The following FSTL5 variants were observed in gnomAD, a reference collection of about 807,000 sequenced individuals.
FSTL5 encodes the protein follistatin like 5.
FSTL5 carries 62 observed loss-of-function variants against 89.1 expected under a neutral mutation model. That is an observed-to-expected ratio of 0.70 (90% CI 0.57 to 0.86). The LOEUF (loss-of-function observed/expected upper bound fraction) is 0.86. Ranked by LOEUF, FSTL5 falls within the 40% of genes least tolerant of loss-of-function variation. The pLI, the probability that FSTL5 is intolerant of heterozygous loss-of-function variation, is 0.00. For synonymous variants in FSTL5, 383 were observed against 346.2 expected, an observed-to-expected ratio of 1.11 and a Z score of -1.18; for missense variants, 1,057 against 1,001.6, an observed-to-expected ratio of 1.06 and a Z score of -0.75.
intron 1 of FSTL5, among the ~76,000 whole-genome samples, chr4:162,128,578 T>G (rs559551782): frequency 6.6e-6 from 1 of 152,232 alleles, no homozygotes; most frequent in South Asian, 2.1e-4. Context: ...AGAAATAAAT[T>G]CTTGACATTT....
In FSTL5 at chr4:161,728,389, T is replaced by C. The variant is rs149441251; in HGVS notation, c.727+31022A>G. The stretch of plus-strand genomic sequence containing the variant: ...ACAGAATTTTACTGTTGATAACCAA[T>C]TGCAAAAGGTAAGGAGAAAAAGATA... On this transcript the variant is annotated intron_variant, in intron 6 of 15. Coordinates refer to ENST00000306100, the MANE Select transcript of FSTL5 (RefSeq NM_020116.5). 2.7e-3 allele frequency among the ~76,000 whole-genome samples: 406 copies of C among 152,170 alleles called. 5 individuals carry two copies. Among genetic ancestry groups the C allele is most frequent in the Middle Eastern group, 0.017 (5 of 294 alleles).
At chr4:162,117,439 G>T (rs1277658930) in intron 1 of FSTL5, among the ~76,000 whole-genome samples, 1 of 152,174 alleles carries the variant, frequency 6.6e-6, no homozygotes, top group Non-Finnish European at 1.5e-5. Flanking sequence ...TAGGAACCCG[G>T]AGTTTAGCAA....
chr4:161,409,939 C>A (rs1430009510), intron 15 of FSTL5, among the ~76,000 whole-genome samples: 1 of 152,056 alleles, frequency 6.6e-6, no homozygotes, highest in Non-Finnish European at 1.5e-5. Context: ...CACAGAGTAG[C>A]ACGTTGCATA....
intron 10 of FSTL5, among the ~76,000 whole-genome samples, chr4:161,520,640 A>C (rs1730992396): frequency 6.6e-6 from 1 of 152,162 alleles, no homozygotes; most frequent in Non-Finnish European, 1.5e-5. Flanking sequence ...AACAAAGGAA[A>C]AACTAACCCT....
At chr4:161,735,824 T>C (rs1739791342) in intron 6 of FSTL5, among the ~76,000 whole-genome samples, 1 of 152,120 alleles carries the variant, frequency 6.6e-6, no homozygotes, top group Non-Finnish European at 1.5e-5. Flanking sequence ...GAGATTTACA[T>C]GGTAATATAT....
At chr4:162,103,859 G>A (rs1330800192) in intron 2 of FSTL5, among the ~76,000 whole-genome samples, 2 of 152,164 alleles carry the variant, frequency 1.3e-5, no homozygotes, top group Admixed American at 6.5e-5. Flanking sequence ...GCAAAAACAG[G>A]AGGTACAGAA....
intron 6 of FSTL5, among the ~76,000 whole-genome samples, chr4:161,697,803 T>A (rs1039582919): frequency 2.0e-5 from 3 of 152,142 alleles, no homozygotes; most frequent in African/African-American, 7.2e-5. Flanking sequence ...AAAAAGTTGA[T>A]CTCTTCTGAT....
chr4:161,568,717 T>C (rs1732901728), intron 8 of FSTL5, among the ~76,000 whole-genome samples: 1 of 152,186 alleles, frequency 6.6e-6, no homozygotes, highest in Non-Finnish European at 1.5e-5. Context: ...TTATTTTATG[T>C]ATCAGTAAAT....
intron 2 of FSTL5, among the ~76,000 whole-genome samples, chr4:162,057,818 C>T (rs780458099): frequency 5.9e-5 from 9 of 152,008 alleles, no homozygotes; most frequent in Non-Finnish European, 1.2e-4. Context: ...GTGGCACATG[C>T]CTGTAGTCCC....
rs112609936 is a variant in FSTL5, at chr4:161,823,488, G to A, written c.410-47414C>T. On this transcript the variant is annotated intron_variant, in intron 4 of 15. Coordinates refer to ENST00000306100, the MANE Select transcript of FSTL5 (RefSeq NM_020116.5). ...GTTACAACAACAGCCAGGCTTAGCC[G>A]CAACTTTGCTCCACACCAGAGCAGG... is the stretch of plus-strand genomic sequence containing the variant. Among the ~76,000 whole-genome samples, 610 of 152,286 alleles carry A rather than the reference G, an allele frequency of 4.0e-3. 5 individuals are homozygous for A. The highest frequency in any genetic ancestry group is 0.014 in the African/African-American group (567 of 41,578).
At chr4:161,787,515 G>A (rs1741947866) in intron 4 of FSTL5, among the ~76,000 whole-genome samples, 2 of 152,114 alleles carry the variant, frequency 1.3e-5, no homozygotes, top group African/African-American at 4.8e-5. Context: ...GGTGAAAGAA[G>A]AAATGAAGAT....
chr4:161,705,764 T>C (rs1738543272), intron 6 of FSTL5, among the ~76,000 whole-genome samples: 1 of 151,006 alleles, frequency 6.6e-6, no homozygotes, highest in Non-Finnish European at 1.5e-5. Context: ...CAGAAAATAC[T>C]TCATCATTAT....
intron 4 of FSTL5, among the ~76,000 whole-genome samples, chr4:161,872,871 T>G (rs1732320089): frequency 6.6e-6 from 1 of 152,214 alleles, no homozygotes; most frequent in Non-Finnish European, 1.5e-5. Context: ...GTATGAATTT[T>G]GATGATTCTG....
chr4:161,820,497 A>G (rs191522912), intron 4 of FSTL5, among the ~76,000 whole-genome samples: 2 of 152,258 alleles, frequency 1.3e-5, no homozygotes, highest in Admixed American at 1.3e-4. Context: ...TGCTCACCAA[A>G]CCCATTTCTT....
At chr4:161,785,334 T>G (rs2126814544) in intron 4 of FSTL5, among the ~76,000 whole-genome samples, 1 of 152,302 alleles carries the variant, frequency 6.6e-6, no homozygotes, top group East Asian at 1.9e-4. Context: ...CCTGCCTACA[T>G]GTAATCTGAT....
At chr4:161,543,277 G>C (rs1323784418) in intron 8 of FSTL5, among the ~76,000 whole-genome samples, 1 of 151,842 alleles carries the variant, frequency 6.6e-6, no homozygotes, top group Non-Finnish European at 1.5e-5. Context: ...AGAATTTAAA[G>C]AAGACCTAAA....
At chr4:162,156,917 CT>C (rs1299026982) in intron 1 of FSTL5, among the ~76,000 whole-genome samples, 4 of 151,964 alleles carry the variant, frequency 2.6e-5, no homozygotes, top group African/African-American at 9.7e-5. Context: ...AATAATTTAA[CT>C]TTTTTTAAAA....
intron 13 of FSTL5, among the ~76,000 whole-genome samples, chr4:161,476,337 G>A (rs574933290): frequency 9.8e-4 from 149 of 151,552 alleles, no homozygotes; most frequent in African/African-American, 3.1e-3. Context: ...ACAGGCATGC[G>A]CCACCACGCC....
intron 4 of FSTL5, among the ~76,000 whole-genome samples, chr4:161,889,576 G>A (rs998312712): frequency 9.2e-5 from 14 of 152,102 alleles, no homozygotes; most frequent in South Asian, 4.1e-4. Context: ...CCCAGGATGC[G>A]GAGGTTGCAG....
Sources: allele counts gnomAD v4.1 joint callset (sites outside exome capture counted in the v4.1 genomes callset), GRCh38; gene constraint gnomAD v4.1.1; transcripts MANE v1.5; gene names NCBI Gene and HGNC (gene_info 2026-07-23, HGNC 2026-07-21).